CCSER1: variants seen among roughly 807,000 people sequenced by gnomAD.
The protein encoded by CCSER1 is coiled-coil serine rich protein 1.
A neutral mutation model predicts 82.0 loss-of-function variants in CCSER1; 41 were observed. The observed-to-expected ratio is 0.50, with a 90% CI of 0.39 to 0.65. The LOEUF (loss-of-function observed/expected upper bound fraction) is 0.65, where lower values mean the gene tolerates loss of function less well. Ranked by LOEUF, CCSER1 falls within the 30% of genes least tolerant of loss-of-function variation. CCSER1 has a pLI of 0.00. For synonymous variants in CCSER1, 414 were observed against 383.9 expected (o/e 1.08, Z -0.92); for missense variants, 1,119 against 1,064.2 (o/e 1.05, Z -0.72).
At chr4:90,779,659 T>C (rs929543227) in intron 7 of CCSER1, among the ~76,000 whole-genome samples, 1 of 152,180 alleles carries the variant, frequency 6.6e-6, no homozygotes, top group Non-Finnish European at 1.5e-5. Context: ...GGTGATCCCC[T>C]CCCCACACAG....
intron 8 of CCSER1, among the ~76,000 whole-genome samples, chr4:90,827,592 A>AT (rs536534518): frequency 1.6e-3 from 237 of 152,308 alleles, no homozygotes; most frequent in Middle Eastern, 6.8e-3. Context: ...ATTTAATGTC[A>AT]TTTTAGTAAT....
intron 10 of CCSER1, among the ~76,000 whole-genome samples, chr4:91,298,307 G>A (rs1455210270): frequency 6.6e-6 from 1 of 152,042 alleles, no homozygotes; most frequent in Non-Finnish European, 1.5e-5. Context: ...CAGGCAAGAT[G>A]CAGTTGCTGG....
At chr4:90,691,929 T>C (rs978184978) in intron 6 of CCSER1, among the ~76,000 whole-genome samples, 19 of 151,606 alleles carry the variant, frequency 1.3e-4, no homozygotes, top group African/African-American at 3.6e-4. Context: ...GAAACACTTA[T>C]ATTAAGTGAC....
At chr4:90,683,068 C>T (rs1734182309) in intron 6 of CCSER1, 1 of 152,378 alleles carries the variant, frequency 6.6e-6, no homozygotes, top group African/African-American at 2.4e-5. Flanking sequence ...ACTGATATTT[C>T]TGAAGAGTCT....
chr4:90,811,972 A>G (rs896754394), intron 7 of CCSER1, among the ~76,000 whole-genome samples: 27,163 of 87,790 alleles, frequency 0.31, 2,782 homozygotes, highest in East Asian at 0.38. Context: ...ATATACACAT[A>G]TATATATATA....
chr4:90,461,158 C>T (rs1447526635), intron 4 of CCSER1, among the ~76,000 whole-genome samples: 2 of 111,038 alleles, frequency 1.8e-5, no homozygotes, highest in East Asian at 4.6e-4. Flanking sequence ...CTCCGCCTCC[C>T]GGGTTCACGC....
chr4:90,142,231 C>A (rs1190733900), intron 1 of CCSER1, among the ~76,000 whole-genome samples: 1 of 152,166 alleles, frequency 6.6e-6, no homozygotes, highest in African/African-American at 2.4e-5. Context: ...ACTTAGAGCA[C>A]CCTCACACAC....
intron 4 of CCSER1, among the ~76,000 whole-genome samples, chr4:90,408,336 T>C (rs1754084768): frequency 6.6e-6 from 1 of 152,216 alleles, no homozygotes; most frequent in South Asian, 2.1e-4. Context: ...GACTGCCTCC[T>C]CAAGTGGGTC....
intron 6 of CCSER1, among the ~76,000 whole-genome samples, chr4:90,691,557 T>G (rs199917426): frequency 7.4e-5 from 5 of 67,754 alleles, no homozygotes; most frequent in Non-Finnish European, 1.9e-4. Flanking sequence ...ACATATCACA[T>G]GTGTGTATAT....
At chr4:90,971,865 T>C (rs1735142315) in intron 9 of CCSER1, among the ~76,000 whole-genome samples, 1 of 151,806 alleles carries the variant, frequency 6.6e-6, no homozygotes, top group African/African-American at 2.4e-5. Flanking sequence ...AATAATGTCA[T>C]ACAACACATG....
chr4:91,253,546 A>G (rs992477731), intron 10 of CCSER1, among the ~76,000 whole-genome samples: 3 of 152,212 alleles, frequency 2.0e-5, no homozygotes, highest in African/African-American at 7.2e-5. Flanking sequence ...TCAAAGGATT[A>G]AAAATATATT....
chr4:91,364,077 C>T (rs1351716401), intron 10 of CCSER1, among the ~76,000 whole-genome samples: 1 of 152,050 alleles, frequency 6.6e-6, no homozygotes, highest in African/African-American at 2.4e-5. Flanking sequence ...TAAGAATTTA[C>T]AAGAACTGAA....
intron 9 of CCSER1, among the ~76,000 whole-genome samples, chr4:90,991,703 G>T (rs758427270): frequency 6.6e-6 from 1 of 151,872 alleles, no homozygotes; most frequent in South Asian, 2.1e-4. Flanking sequence ...ATAAAGTCAC[G>T]TCCATAGCTA....
chr4:91,224,798 A>G (rs759226559), intron 10 of CCSER1, among the ~76,000 whole-genome samples: 1 of 152,022 alleles, frequency 6.6e-6, no homozygotes, highest in Admixed American at 6.6e-5. Flanking sequence ...ATTTCTTCTC[A>G]TTGTTACTAT....
chr4:91,130,471 G>A (rs1047030701), intron 10 of CCSER1, among the ~76,000 whole-genome samples: 2 of 151,718 alleles, frequency 1.3e-5, no homozygotes, highest in African/African-American at 4.8e-5. Flanking sequence ...ATGTGATAGT[G>A]ATCTGTTTTA....
intron 6 of CCSER1, among the ~76,000 whole-genome samples, chr4:90,704,106 T>G (rs925368793): frequency 6.6e-6 from 1 of 152,246 alleles, no homozygotes; most frequent in African/African-American, 2.4e-5. Flanking sequence ...TTGCAGTGGC[T>G]GGTACCGGTT....
intron 10 of CCSER1, among the ~76,000 whole-genome samples, chr4:91,405,156 T>C (rs933142068): frequency 1.3e-5 from 2 of 152,214 alleles, no homozygotes; most frequent in Admixed American, 1.3e-4. Flanking sequence ...GTAATGGCTA[T>C]CTTTGTCTCT....
chr4:90,526,084 G>C (rs1773721620), intron 5 of CCSER1, among the ~76,000 whole-genome samples: 1 of 151,958 alleles, frequency 6.6e-6, no homozygotes, highest in Non-Finnish European at 1.5e-5. Flanking sequence ...TTTAATATAT[G>C]CCTTTGATAT....
chr4:91,451,489 A>G (rs543312478), intron 10 of CCSER1, among the ~76,000 whole-genome samples: 3 of 152,162 alleles, frequency 2.0e-5, no homozygotes, highest in East Asian at 3.9e-4. Context: ...TCAATAAAAA[A>G]TTGTTGAACA....
Sources: allele counts gnomAD v4.1 joint callset (sites outside exome capture counted in the v4.1 genomes callset), GRCh38; gene constraint gnomAD v4.1.1; transcripts MANE v1.5; gene names NCBI Gene and HGNC (gene_info 2026-07-23, HGNC 2026-07-21).